Variants in APBA2 observed in about 807,000 individuals in gnomAD.
The protein encoded by APBA2 is amyloid-beta A4 precursor protein-binding family A member 2.
In APBA2, 30 loss-of-function variants were observed where a neutral mutation model predicts 75.0. The observed-to-expected ratio is 0.40, with a 90% CI of 0.30 to 0.54. The LOEUF is 0.54. Among genes scored for constraint, APBA2 ranks in the 20% least tolerant of loss-of-function variants. The pLI is 0.49. For missense variants in APBA2, 801 were observed against 1,016.1 expected (o/e 0.79, Z 2.88); for synonymous variants, 444 against 409.6 (o/e 1.08, Z -1.01).
intron 3 of APBA2, among the ~76,000 whole-genome samples, chr15:29,030,729 A>G (rs77184423): frequency 0.056 from 6,332 of 113,300 alleles, 425 homozygotes; most frequent in African/African-American, 0.18. Flanking sequence ...CCATGTGAGT[A>G]TGTGTGTGTG....
At chr15:28,965,280 A>G (rs1482866468) in intron 2 of APBA2, among the ~76,000 whole-genome samples, 9 of 152,092 alleles carry the variant, frequency 5.9e-5, no homozygotes, top group African/African-American at 2.4e-5. Flanking sequence ...TCAGTTGGGC[A>G]TATTTGTAGG....
chr15:29,000,479 T>C (rs2038787648), intron 3 of APBA2, among the ~76,000 whole-genome samples: 1 of 152,230 alleles, frequency 6.6e-6, no homozygotes, highest in Admixed American at 6.5e-5. Context: ...TGTGGGTCCC[T>C]CTGATGCAGC....
intron 12 of APBA2, 114 bp from the exon 13 acceptor site, chr15:29,108,156 C>A (rs1241471261): frequency 2.7e-6 from 4 of 1,489,566 alleles, no homozygotes; most frequent in Non-Finnish European, 3.7e-6. Context: ...GCCTGCCTCT[C>A]CCATTGTGTG....
intron 3 of APBA2, among the ~76,000 whole-genome samples, chr15:29,018,645 G>C (rs998815510): frequency 1.1e-4 from 16 of 152,180 alleles, no homozygotes; most frequent in African/African-American, 3.9e-4. Flanking sequence ...GGAGCTGCCA[G>C]GGAAGCTTTG....
intron 14 of APBA2, among the ~76,000 whole-genome samples, chr15:29,114,272 C>G (rs1323279760): frequency 6.6e-6 from 1 of 152,226 alleles, no homozygotes; most frequent in Admixed American, 6.5e-5. Flanking sequence ...GGGACTGGAC[C>G]TGTATGTCCA....
At chr15:29,047,168 C>T (rs918722442) in intron 3 of APBA2, among the ~76,000 whole-genome samples, 7 of 152,296 alleles carry the variant, frequency 4.6e-5, no homozygotes, top group Middle Eastern at 3.4e-3. Flanking sequence ...CTTTAACAGG[C>T]GGGCTCTTTG....
chr15:28,977,351 A>G (rs942180446), intron 2 of APBA2: 1 of 152,130 alleles, frequency 6.6e-6, no homozygotes, highest in African/African-American at 2.4e-5. Flanking sequence ...TTATAATAGC[A>G]TCACATTAAG....
At chr15:29,032,644 G>T (rs2040545444) in intron 3 of APBA2, among the ~76,000 whole-genome samples, 1 of 152,218 alleles carries the variant, frequency 6.6e-6, no homozygotes, top group Non-Finnish European at 1.5e-5. Context: ...CTCAGAGTCA[G>T]AAGTCATGTG....
rs1266827296 is a variant in APBA2 at position 28,991,261 on chromosome 15, G to T, written c.-94-4492G>T. Reference sequence around the variant, plus strand: ...GCCCCACAGTAAAAACGTCTCTCCTGGTCTGGGGGCGCATCCATCCCCCAT... The same window carrying T: ...GCCCCACAGTAAAAACGTCTCTCCTTGTCTGGGGGCGCATCCATCCCCCAT... On this transcript the variant is annotated intron_variant, in intron 2 of 14. Transcript: ENST00000683413. The surrounding 1 kb of genome is among the most constrained non-coding windows in gnomAD (Gnocchi z 4.7). Among the ~76,000 whole-genome samples the T allele has an allele frequency of 6.6e-6, 1 of 152,184 alleles. No homozygotes were observed. Among genetic ancestry groups the T allele is most frequent in the Non-Finnish European group, 1.5e-5 (1 of 68,022 alleles).
At chr15:29,015,943 T>C (rs941190619) in intron 3 of APBA2, among the ~76,000 whole-genome samples, 1 of 152,204 alleles carries the variant, frequency 6.6e-6, no homozygotes, top group Admixed American at 6.5e-5. Context: ...TGCGTGTATG[T>C]GCAGGAACTG....
chr15:29,006,774 G>T (rs924536159), intron 3 of APBA2, among the ~76,000 whole-genome samples: 1 of 152,188 alleles, frequency 6.6e-6, no homozygotes, highest in African/African-American at 2.4e-5. Flanking sequence ...CACCCTTGAC[G>T]TGAGGATTAT....
In APBA2 at chr15:28,991,513, GT is replaced by G. The variant is rs1234386510; in HGVS notation, c.-94-4238del. On this transcript the variant is annotated intron_variant, in intron 2 of 14. Transcript: ENST00000683413. The surrounding 1 kb of genome is among the most constrained non-coding windows in gnomAD (Gnocchi z 4.7). ...CTGTGAGGCCGCCCCTTGCAGGTGA[GT>G]TCACTGGCAGCCCAGCCAGCCCACG... Among the ~76,000 whole-genome samples the G allele has an allele frequency of 6.6e-6, 1 of 152,190 alleles. No homozygotes were observed. Among genetic ancestry groups the G allele is most frequent in the East Asian group, 1.9e-4 (1 of 5,188 alleles).
rs148498274 is a variant in APBA2 at position 29,111,156 on chromosome 15, C to T, written c.2038-2720C>T. Among the ~76,000 whole-genome samples, 594 of 151,928 alleles carry T rather than the reference C, an allele frequency of 3.9e-3. 4 individuals are homozygous for T. The highest frequency in any genetic ancestry group is 0.013 in the African/African-American group (549 of 41,394). On this transcript the variant is annotated intron_variant, in intron 13 of 14. Transcript: ENST00000683413. ...GAAAGAGAGGGTGCCACCCACGGCT[C>T]GGTGTCTCTGCCCTGGGTCTAGGGT...
chr15:28,969,128 T>TTTCTTTCTTTCTTTC (rs1595597095), intron 2 of APBA2, among the ~76,000 whole-genome samples: 86 of 137,140 alleles, frequency 6.3e-4, no homozygotes, highest in East Asian at 5.2e-3. Context: ...TTTCATTTCT[T>TTTCTTTCTTTCTTTC]TTTCTTTCTT....
chr15:29,054,814 G>T lies in APBA2; in HGVS notation c.930G>T (p.Arg310Ser). The T allele has an allele frequency of 6.2e-7, 1 of 1,600,130 alleles. No homozygotes were observed. The highest frequency in any genetic ancestry group is 8.5e-7 in the Non-Finnish European group (1 of 1,179,824). The change falls in exon 4 of 15, where the codon AGG becomes AGT. Residue 310 changes from arginine to serine, a missense_variant. Physicochemically the swap from Arg to Ser is moderately radical, Grantham distance 110. This residue lies in a region of APBA2 where 434 missense variants were observed against 471.6 expected (regional missense o/e 0.92). Coordinates refer to ENST00000683413, the MANE Select transcript of APBA2 (RefSeq NM_001353788.2). This position sits in a 1 kb window ranked among gnomAD's most constrained non-coding sequence, Gnocchi z 6.1. ...FKPKTRTPEE[R>S]LKWPHEQVCN... The stretch of plus-strand genomic sequence containing the variant: ...CCAAGACCAGGACCCCAGAAGAGAG[G>T]CTGAAGTGGCCCCACGAGCAGGTAG...
chr15:29,020,123 G>C (rs920395534), intron 3 of APBA2, among the ~76,000 whole-genome samples: 2 of 152,038 alleles, frequency 1.3e-5, no homozygotes, highest in East Asian at 3.9e-4. Context: ...GGGGTTATTC[G>C]TCTTTTTCTT....
At chr15:29,000,163 C>T (rs1024224533) in intron 3 of APBA2, among the ~76,000 whole-genome samples, 4 of 152,180 alleles carry the variant, frequency 2.6e-5, no homozygotes, top group African/African-American at 4.8e-5. Context: ...TTTAACCAGA[C>T]GCATGGGCAC....
intron 2 of APBA2, among the ~76,000 whole-genome samples, chr15:28,969,912 A>C (rs1048120563): frequency 3.3e-5 from 5 of 152,250 alleles, no homozygotes; most frequent in Non-Finnish European, 7.3e-5. Context: ...AGCTGCTCAC[A>C]GGCCAGGCCG....
intron 10 of APBA2, chr15:29,102,514 G>A (rs868108264): frequency 6.5e-6 from 1 of 153,178 alleles, no homozygotes; most frequent in Admixed American, 6.5e-5. Context: ...CAACACTTTT[G>A]GGAGGCTGAG....
Sources: gnomAD v4.1 joint callset for allele counts (sites outside exome capture counted in the v4.1 genomes callset) on GRCh38, gnomAD v4.1.1 for gene constraint, gnomAD v4.1.1 regional missense constraint, Gnocchi (gnomAD v3.1) non-coding constraint, MANE v1.5 for transcripts, NCBI Gene and HGNC (gene_info 2026-07-23, HGNC 2026-07-21) for gene names.